Variants in IL1RAPL2 observed in about 807,000 individuals in gnomAD.
IL1RAPL2 encodes X-linked interleukin-1 receptor accessory protein-like 2.
In IL1RAPL2, 3 loss-of-function variants were observed where a neutral mutation model predicts 44.1. The observed-to-expected ratio is 0.07, with a 90% confidence interval of 0.03 to 0.18. The LOEUF (loss-of-function observed/expected upper bound fraction) is 0.18. IL1RAPL2 is among the 10% of genes least tolerant of loss of function. The probability of loss-of-function intolerance (pLI) is 1.00; values close to 1 mark genes in which losing one functional copy is unlikely to be tolerated. For synonymous variants in IL1RAPL2, 181 were observed against 178.8 expected (o/e 1.01, Z -0.10); for missense variants, 391 against 496.4 (o/e 0.79, Z 2.02).
At chrX:104,843,543 A>G (rs964015927) in intron 2 of IL1RAPL2, among the ~76,000 whole-genome samples, 2 of 111,056 alleles carry the variant, frequency 1.8e-5, no homozygotes, top group African/African-American at 6.5e-5. Flanking sequence ...GTATATGCTC[A>G]CAAGGGACTC....
chrX:104,682,629 C>G (rs1218260886), intron 2 of IL1RAPL2, among the ~76,000 whole-genome samples: 3 of 112,027 alleles, frequency 2.7e-5, no homozygotes, highest in Non-Finnish European at 3.8e-5. Context: ...GTGCCTGAGT[C>G]AGGGCCTAAT....
intron 2 of IL1RAPL2, among the ~76,000 whole-genome samples, chrX:104,670,925 A>G (rs1328061584): frequency 9.0e-6 from 1 of 111,477 alleles, no homozygotes; most frequent in Non-Finnish European, 1.9e-5. Context: ...TTGTAGATCA[A>G]CTGCTAGATG....
At chrX:104,883,039 A>G (rs1261483596) in intron 2 of IL1RAPL2, among the ~76,000 whole-genome samples, 3 of 111,517 alleles carry the variant, frequency 2.7e-5, no homozygotes, top group Non-Finnish European at 5.6e-5. Context: ...CAAACTCCGG[A>G]CACACCATCT....
intron 2 of IL1RAPL2, among the ~76,000 whole-genome samples, chrX:104,767,101 C>T (rs183303377): frequency 5.6e-4 from 63 of 111,813 alleles, no homozygotes; most frequent in Admixed American, 2.9e-3. Flanking sequence ...CCACTTTTTT[C>T]CTGAAAACCT....
chrX:105,672,886 C>T (rs1012634284), intron 6 of IL1RAPL2, among the ~76,000 whole-genome samples: 8 of 111,311 alleles, frequency 7.2e-5, no homozygotes, highest in Non-Finnish European at 1.5e-4. Context: ...CAGATCTTTG[C>T]TGGGCTTTTT....
At chrX:104,923,943 CAAAGT>C (rs760095239) in intron 2 of IL1RAPL2, among the ~76,000 whole-genome samples, 35 of 107,505 alleles carry the variant, frequency 3.3e-4, no homozygotes, top group Non-Finnish European at 5.8e-4. Flanking sequence ...CCTACATGCT[CAAAGT>C]AAAGAGATGG....
intron 3 of IL1RAPL2, among the ~76,000 whole-genome samples, chrX:105,198,455 G>A (rs781959221): frequency 2.1e-4 from 23 of 111,798 alleles, no homozygotes; most frequent in Admixed American, 5.7e-4. Flanking sequence ...AGAAGTCTTC[G>A]ATTTACGTAG....
intron 1 of IL1RAPL2, among the ~76,000 whole-genome samples, chrX:104,637,068 T>A (rs1331360919): frequency 3.5e-5 from 3 of 85,805 alleles, no homozygotes; most frequent in Admixed American, 3.5e-4. Flanking sequence ...TAGTTTGGGA[T>A]TTTTTTTTTT....
At chrX:105,419,592 T>C (rs1451417721) in intron 5 of IL1RAPL2, among the ~76,000 whole-genome samples, 1 of 112,179 alleles carries the variant, frequency 8.9e-6, no homozygotes, top group Non-Finnish European at 1.9e-5. Flanking sequence ...CACATCCGCA[T>C]GAGAAGGCAA....
In IL1RAPL2 at chrX:105,756,032, GAGAAATCTAAGACAT is replaced by G. The variant is rs1166710180; in HGVS notation, c.1363+688_1363+702del. ...CACAGTAAAGTATAAGGGGAACACA[GAGAAATCTAAGACAT>G]AGTCCCTGCTCTCGAAGAGCTTAAA... On this transcript the variant is annotated intron_variant, in intron 10 of 10. Coordinates refer to ENST00000372582, the MANE Select transcript of IL1RAPL2 (RefSeq NM_017416.2). Among the ~76,000 whole-genome samples, 673 of 111,759 alleles carry G rather than the reference GAGAAATCTAAGACAT, an allele frequency of 6.0e-3. 12 individuals carry two copies. The highest frequency in any genetic ancestry group is 0.018 in the South Asian group (49 of 2,683).
intron 5 of IL1RAPL2, among the ~76,000 whole-genome samples, chrX:105,463,470 G>A (rs1013874404): frequency 9.0e-6 from 1 of 110,770 alleles, no homozygotes; most frequent in African/African-American, 3.3e-5. Context: ...TTTAGGCAAA[G>A]TCTCTTTATA....
chrX:105,431,064 T>A (rs1356845870), intron 5 of IL1RAPL2, among the ~76,000 whole-genome samples: 1 of 112,003 alleles, frequency 8.9e-6, no homozygotes, highest in Non-Finnish European at 1.9e-5. Flanking sequence ...TGAAGAAAAA[T>A]TAGCATTTAA....
chrX:105,059,309 T>C (rs947696401), intron 2 of IL1RAPL2, among the ~76,000 whole-genome samples: 3 of 111,904 alleles, frequency 2.7e-5, no homozygotes, highest in African/African-American at 9.7e-5. Context: ...ACCATCATTC[T>C]ACTCTCTATC....
intron 1 of IL1RAPL2, among the ~76,000 whole-genome samples, chrX:104,605,946 G>A (rs933907341): frequency 3.6e-5 from 4 of 111,700 alleles, no homozygotes; most frequent in Admixed American, 1.9e-4. Context: ...AGAAAAAGAG[G>A]GAGTCCTCCC....
intron 2 of IL1RAPL2, among the ~76,000 whole-genome samples, chrX:104,699,022 C>T (rs1931227869): frequency 9.0e-6 from 1 of 110,861 alleles, no homozygotes; most frequent in African/African-American, 3.3e-5. Flanking sequence ...TACATTATAG[C>T]TGGTATAGGC....
chrX:105,358,037 TAAAA>T (rs774626399), intron 5 of IL1RAPL2, among the ~76,000 whole-genome samples: 109 of 40,805 alleles, frequency 2.7e-3, no homozygotes, highest in African/African-American at 7.0e-3. Flanking sequence ...ATCCTATTTC[TAAAA>T]AAAAAAAAAA....
intron 2 of IL1RAPL2, among the ~76,000 whole-genome samples, chrX:105,014,367 G>A (rs1484393365): frequency 1.8e-5 from 2 of 110,567 alleles, no homozygotes; most frequent in African/African-American, 6.6e-5. Flanking sequence ...AGAACGTTGA[G>A]GTTTGTTACA....
chrX:105,349,829 C>A (rs1484851267), intron 5 of IL1RAPL2, among the ~76,000 whole-genome samples: 2 of 111,763 alleles, frequency 1.8e-5, no homozygotes, highest in Non-Finnish European at 3.8e-5. Flanking sequence ...CTCCCAGAGA[C>A]ATTCAAAATT....
rs368404531 is a variant in IL1RAPL2 at position 104,947,280 on chromosome X, A to G, written c.83-248195A>G. ...ATGGGGTTGTTTGTTTTTTTCTTGT[A>G]AATTTGTTGGAGTTCATTGTAGATT... On this transcript the variant is annotated intron_variant, in intron 2 of 10. Coordinates refer to ENST00000372582, the MANE Select transcript of IL1RAPL2 (RefSeq NM_017416.2). Among the ~76,000 whole-genome samples the G allele has an allele frequency of 8.8e-4, 92 of 104,864 alleles. No homozygotes were observed. In the East Asian group the frequency reaches 0.015, roughly 18 times the overall value. 91.1% of individuals were successfully genotyped at this position (104,864 alleles called of 115,157 possible).
Sources: gnomAD v4.1 joint callset for allele counts (sites outside exome capture counted in the v4.1 genomes callset) on GRCh38, gnomAD v4.1.1 for gene constraint, MANE v1.5 for transcripts, NCBI Gene and HGNC (gene_info 2026-07-23, HGNC 2026-07-21) for gene names.